DAGLA: variants seen among roughly 807,000 people sequenced by gnomAD.
The protein encoded by DAGLA is diacylglycerol lipase-alpha.
In DAGLA, 22 loss-of-function variants were observed where a neutral mutation model predicts 102.6. That is an observed-to-expected ratio of 0.21 (90% CI 0.15 to 0.31). The LOEUF (loss-of-function observed/expected upper bound fraction) is 0.31. Ranked by LOEUF, DAGLA falls within the 10% of genes least tolerant of loss-of-function variation. The pLI is 1.00. For missense variants in DAGLA, 927 were observed against 1,446.6 expected, an observed-to-expected ratio of 0.64 and a Z score of 5.83; for synonymous variants, 578 against 628.9, an observed-to-expected ratio of 0.92 and a Z score of 1.21.
chr11:61,714,591 G>A (rs930940108), intron 1 of DAGLA, among the ~76,000 whole-genome samples: 1 of 152,242 alleles, frequency 6.6e-6, no homozygotes, highest in Non-Finnish European at 1.5e-5. Context: ...TGTTGTCACT[G>A]GGGAGTTTGA....
chr11:61,690,164 C>T (rs185954054), intron 1 of DAGLA, among the ~76,000 whole-genome samples: 6 of 152,352 alleles, frequency 3.9e-5, no homozygotes, highest in Non-Finnish European at 8.8e-5. Flanking sequence ...TCTCTTTCCC[C>T]CTAGGAACTT....
At position 61,734,615 on chromosome 11, in the gene DAGLA, T is replaced by G. The variant is rs1591050434; in HGVS notation, c.975-234T>G. Among the ~76,000 whole-genome samples the G allele has an allele frequency of 6.6e-6, 1 of 151,506 alleles. No individual in the cohort carries two copies. The highest frequency in any genetic ancestry group is 6.6e-5 in the Admixed American group (1 of 15,244). On this transcript the variant is annotated intron_variant, in intron 9 of 19. Coordinates refer to ENST00000257215, the MANE Select transcript of DAGLA (RefSeq NM_006133.3). This position sits in a 1 kb window ranked among gnomAD's most constrained non-coding sequence, Gnocchi z 4.2. ...CAGAGAGGAGGGGGCCCCAGCCAGG[T>G]GGGGAGAGGGAAGGGCCCACAGGGT...
At position 61,686,911 on chromosome 11, in the gene DAGLA, G is replaced by A. The variant is rs1250172462; in HGVS notation, c.-45+6407G>A. ...ACCGTGGAGTGGGCTCCCTGGGGCTGCACCTCTGTCTCCTGGGGACAGGGC... is the reference window on the plus strand; with the variant it reads ...ACCGTGGAGTGGGCTCCCTGGGGCTACACCTCTGTCTCCTGGGGACAGGGC... On this transcript the variant is annotated intron_variant, in intron 1 of 19. Coordinates refer to ENST00000257215, the MANE Select transcript of DAGLA (RefSeq NM_006133.3). This position sits in a 1 kb window ranked among gnomAD's most constrained non-coding sequence, Gnocchi z 5.2. 6.6e-6 allele frequency among the ~76,000 whole-genome samples: 1 copy of A among 152,186 alleles called. No homozygotes were observed. The highest frequency in any genetic ancestry group is 1.5e-5 in the Non-Finnish European group (1 of 68,026).
intron 19 of DAGLA, among the ~76,000 whole-genome samples, chr11:61,742,776 C>CTCCCTCCCTTCCTCCT (rs2065491722): frequency 2.0e-5 from 3 of 150,250 alleles, no homozygotes; most frequent in South Asian, 2.1e-4. Context: ...CCCTCCCTCC[C>CTCCCTCCCTTCCTCCT]TCCCTCCCTT....
At chr11:61,702,315 C>G (rs2135561523) in intron 1 of DAGLA, among the ~76,000 whole-genome samples, 1 of 152,254 alleles carries the variant, frequency 6.6e-6, no homozygotes, top group East Asian at 1.9e-4. Context: ...TGGGGATCAT[C>G]AAAGCACTGG....
At position 61,739,559 on chromosome 11, in the gene DAGLA, C is replaced by G. The variant is rs1160542244; in HGVS notation, c.1751C>G (p.Thr584Ser). The change falls in exon 17 of 20, where the codon ACC becomes AGC. Residue 584 changes from threonine (T) to serine (S), a missense_variant. By Grantham distance (58) the Thr-to-Ser change is moderately conservative. Around this residue, in one of 4 missense-constraint regions of DAGLA, gnomAD observed 218 missense variants for 459.6 expected, o/e 0.47. Transcript: ENST00000257215. ...ACCCTGGCCAGCACGCGGCTCTGGA[C>G]CCACCCCAGCGACCTAACTATAGCC... ...VTTLASTRLW[T>S]HPSDLTIALS... 1 of 1,613,926 alleles carries G rather than the reference C, an allele frequency of 6.2e-7. No homozygotes were observed. Among genetic ancestry groups the G allele is most frequent in the Non-Finnish European group, 8.5e-7 (1 of 1,179,972 alleles).
At position 61,741,297 on chromosome 11, in the gene DAGLA, A is replaced by G; in HGVS notation, c.2119A>G (p.Thr707Ala). Residue 707 changes from threonine to alanine, a missense_variant, in exon 19 of 20, where the codon ACT becomes GCT. Thr to Ala is a moderately conservative substitution (Grantham distance 58). Transcript: ENST00000257215. ...ACTCCCCACGGGGCCGCCCATGCCC[A>G]CTGGCCTTGCCCTGGAGCTGCCGAC... ...QPLPTGPPMPTGLALELPTAD... is the reference protein window; with the variant it reads ...QPLPTGPPMPAGLALELPTAD... 1.2e-6 allele frequency: 2 copies of G among 1,612,446 alleles called. No homozygotes were observed. The highest frequency in any genetic ancestry group is 1.7e-6 in the Non-Finnish European group (2 of 1,179,996).
In DAGLA at chr11:61,743,886, G is replaced by T. The variant is rs1463096118; in HGVS notation, c.2526G>T (p.Ala842=). Reference sequence around the variant, plus strand: ...TGAGCTCGCGCACTGAGCTGCTGGCGGCCGACAGCCTGTCCAAGCACTCAC... The same window carrying T: ...TGAGCTCGCGCACTGAGCTGCTGGCTGCCGACAGCCTGTCCAAGCACTCAC... ...PSLSSRTELL[A]ADSLSKHSQD... The change falls in exon 20 of 20, where the codon GCG becomes GCT. Residue 842 remains alanine, a synonymous_variant. Coordinates refer to ENST00000257215, the MANE Select transcript of DAGLA (RefSeq NM_006133.3). The T allele has an allele frequency of 1.2e-6, 2 of 1,612,362 alleles. No individual in the cohort carries two copies. The highest frequency in any genetic ancestry group is 1.7e-6 in the Non-Finnish European group (2 of 1,179,872).
chr11:61,731,257 G>T, intron 8 of DAGLA, 60 bp from the exon 9 acceptor site: 1 of 1,601,518 alleles, frequency 6.2e-7, no homozygotes, highest in Non-Finnish European at 8.5e-7. Flanking sequence ...GAACTGCTGG[G>T]CCCTGAGGCT....
chr11:61,744,128 T>C lies in DAGLA; in HGVS notation c.2768T>C (p.Leu923Pro). Residue 923 changes from leucine to proline, a missense_variant, in exon 20 of 20, where the codon CTG becomes CCG. Leu to Pro is a moderately conservative substitution (Grantham distance 98). This residue lies in a region of DAGLA where 434 missense variants were observed against 503.3 expected (regional missense o/e 0.86). Coordinates refer to ENST00000257215, the MANE Select transcript of DAGLA (RefSeq NM_006133.3). ...GAGTTCATCGACAGCCTCTTCAACC[T>C]GGACAGCAAGAGCAGCTCCTTCCAA... ...FAEFIDSLFNLDSKSSSFQDL... is the reference protein window; with the variant it reads ...FAEFIDSLFNPDSKSSSFQDL... 1 of 1,613,014 alleles carries C rather than the reference T, an allele frequency of 6.2e-7. No homozygotes were observed. Among genetic ancestry groups the C allele is most frequent in the Non-Finnish European group, 8.5e-7 (1 of 1,179,976 alleles).
rs765305116 is a variant in DAGLA, at chr11:61,714,113, T to G, written c.-44-5999T>G. Among the ~76,000 whole-genome samples, 11 of 152,178 alleles carry G rather than the reference T, an allele frequency of 7.2e-5. 1 individual carries two copies. In the South Asian group the frequency reaches 2.3e-3, roughly 31 times the overall value. On this transcript the variant is annotated intron_variant, in intron 1 of 19. Transcript: ENST00000257215. ...TGGCGTCCAGTGCTAGTTTTACATA[T>G]AGCAACCGTGGGGGCCCTTATGTCT...
rs572932021 is a variant in DAGLA, at chr11:61,708,384, C to CT, written c.-44-11714dup. Among the ~76,000 whole-genome samples the CT allele has an allele frequency of 5.0e-3, 715 of 143,082 alleles. 9 individuals carry two copies. The highest frequency in any genetic ancestry group is 0.04 in the South Asian group (179 of 4,526). 93.9% of individuals were successfully genotyped at this position (143,082 alleles called of 152,430 possible). On this transcript the variant is annotated intron_variant, in intron 1 of 19. Coordinates refer to ENST00000257215, the MANE Select transcript of DAGLA (RefSeq NM_006133.3). The stretch of plus-strand genomic sequence containing the variant: ...AGAGCCTGCTTTCAACACTTTACAA[C>CT]TTTTTTTTTTTTTTGAGATGGAGTC...
At chr11:61,689,227 C>T (rs1177501505) in intron 1 of DAGLA, among the ~76,000 whole-genome samples, 2 of 152,252 alleles carry the variant, frequency 1.3e-5, no homozygotes, top group Non-Finnish European at 2.9e-5. Context: ...CTGCGCAGCC[C>T]TAGGCCCAGT....
chr11:61,704,999 G>A (rs1267675620), intron 1 of DAGLA, among the ~76,000 whole-genome samples: 2 of 152,130 alleles, frequency 1.3e-5, no homozygotes, highest in East Asian at 1.9e-4. Context: ...TGCCGTGCCC[G>A]GGCTCGCCTG....
intron 1 of DAGLA, among the ~76,000 whole-genome samples, chr11:61,712,375 G>C (rs2065201041): frequency 6.6e-6 from 1 of 152,180 alleles, no homozygotes; most frequent in Non-Finnish European, 1.5e-5. Flanking sequence ...TGCCTCCTCT[G>C]GTCCTTCCAG....
chr11:61,730,759 G>A (rs572340425), intron 8 of DAGLA, among the ~76,000 whole-genome samples: 3 of 152,318 alleles, frequency 2.0e-5, no homozygotes, highest in South Asian at 2.1e-4. Context: ...CCGGAGCCCT[G>A]GGAGCCTGCA....
rs143454047 is a variant in DAGLA at position 61,736,021 on chromosome 11, A to G, written c.1290+205A>G. 3.5e-3 allele frequency among the ~76,000 whole-genome samples: 534 copies of G among 152,296 alleles called. 5 individuals carry two copies. The highest frequency in any genetic ancestry group is 0.012 in the African/African-American group (500 of 41,560). ...GCACAGCCCAGAGCCTGACCATGGA[A>G]GAACCTGAGAGGCAGCTGCGGAGAG... On this transcript the variant is annotated intron_variant, in intron 12 of 19. Coordinates refer to ENST00000257215, the MANE Select transcript of DAGLA (RefSeq NM_006133.3).
intron 2 of DAGLA, among the ~76,000 whole-genome samples, 171 bp downstream of exon 2, chr11:61,720,421 CT>C (rs2065272108): frequency 6.6e-6 from 1 of 152,196 alleles, no homozygotes; most frequent in African/African-American, 2.4e-5. Flanking sequence ...AATGACACCC[CT>C]GCTACCATTG....
At chr11:61,694,950 C>T (rs1219665024) in intron 1 of DAGLA, among the ~76,000 whole-genome samples, 4 of 152,172 alleles carry the variant, frequency 2.6e-5, no homozygotes, top group Non-Finnish European at 5.9e-5. Flanking sequence ...CAAACATGTG[C>T]ACGTCTCCCC....
Sources: gnomAD v4.1 joint callset for allele counts (sites outside exome capture counted in the v4.1 genomes callset) on GRCh38, gnomAD v4.1.1 for gene constraint, gnomAD v4.1.1 regional missense constraint, Gnocchi (gnomAD v3.1) non-coding constraint, MANE v1.5 for transcripts, NCBI Gene and HGNC (gene_info 2026-07-23, HGNC 2026-07-21) for gene names.